Variants in AATK observed in about 807,000 individuals in gnomAD.
AATK encodes lemur tail kinase 1.
A neutral mutation model predicts 114.3 loss-of-function variants in AATK; 91 were observed. That is an observed-to-expected ratio of 0.80 (90% CI 0.67 to 0.95). AATK has a LOEUF of 0.95. Ranked by LOEUF, AATK falls within the 40% of genes least tolerant of loss-of-function variation. The pLI is 0.00. For missense variants in AATK, 2,176 were observed against 1,965.2 expected, an observed-to-expected ratio of 1.11 and a Z score of -2.03; for synonymous variants, 1,075 against 916.5, an observed-to-expected ratio of 1.17 and a Z score of -3.12.
At chr17:81,130,304 T>C (rs2060909534) in intron 3 of AATK, among the ~76,000 whole-genome samples, 1 of 152,140 alleles carries the variant, frequency 6.6e-6, no homozygotes, top group Non-Finnish European at 1.5e-5. Flanking sequence ...GCTTGAGATC[T>C]GATAGCTCTG....
intron 1 of AATK, among the ~76,000 whole-genome samples, chr17:81,155,982 T>C (rs1007799285): frequency 6.6e-6 from 1 of 152,218 alleles, no homozygotes; most frequent in Non-Finnish European, 1.5e-5. Flanking sequence ...CATTTATTTA[T>C]GAGCACAGTT....
chr17:81,140,761 C>A (rs1222019306), intron 1 of AATK, among the ~76,000 whole-genome samples: 37 of 62,528 alleles, frequency 5.9e-4, no homozygotes, highest in African/African-American at 7.8e-4. Flanking sequence ...GGGCCGTGAG[C>A]CGTGGGGCTG....
intron 1 of AATK, among the ~76,000 whole-genome samples, chr17:81,156,929 C>CA (rs1555601800): frequency 4.6e-5 from 7 of 151,946 alleles, no homozygotes; most frequent in Non-Finnish European, 7.4e-5. Flanking sequence ...GGGCCCTGGG[C>CA]GGGGTACGGC....
In AATK at chr17:81,165,575, C is replaced by T. The variant is rs984475678; in HGVS notation, c.55+363G>A. 1.3e-5 allele frequency: 16 copies of T among 1,263,262 alleles called. No individual in the cohort carries two copies. The African/African-American group carries it at 1.8e-4, about 14-fold the overall frequency. The allele number at this position is 1,263,262 out of a possible 1,614,324, so 78.3% of individuals were successfully genotyped here. On this transcript the variant is annotated intron_variant, in intron 1 of 13. Coordinates refer to ENST00000326724, the MANE Select transcript of AATK (RefSeq NM_001080395.3). ...CGGACCCAGGAGAGGCCATGGAAAG[C>T]CTGAACCCCAGCTGGCTGACACCCC... is the stretch of plus-strand genomic sequence containing the variant.
At position 81,122,080 on chromosome 17, in the gene AATK, A is replaced by C; in HGVS notation, c.1856T>G (p.Leu619Arg). 6.3e-7 allele frequency: 1 copy of C among 1,584,546 alleles called. No individual in the cohort carries two copies. The highest frequency in any genetic ancestry group is 8.5e-7 in the Non-Finnish European group (1 of 1,172,482). ...SPSPSAGPLS[L>R]AEGGAEDADW... is the part of the protein sequence containing the mutation. ...TGCATCCTCCGCTCCTCCCTCCGCC[A>C]GACTCAGGGGCCCCGCCGAGGGCGA... Residue 619 changes from leucine to arginine, a missense_variant, in exon 11 of 14, where the codon CTG becomes CGG. Physicochemically the swap from Leu to Arg is moderately radical, Grantham distance 102. This residue lies in a region of AATK where 1,701 missense variants were observed against 1,394.7 expected (regional missense o/e 1.22). Transcript: ENST00000326724.
chr17:81,120,965 G>T lies in AATK; in HGVS notation c.2971C>A (p.Pro991Thr). 6.2e-7 allele frequency: 1 copy of T among 1,609,936 alleles called. No homozygotes were observed. Among genetic ancestry groups the T allele is most frequent in the Non-Finnish European group, 8.5e-7 (1 of 1,178,794 alleles). Residue 991 changes from proline to threonine, a missense_variant, in exon 11 of 14, where the codon CCC (proline) becomes ACC (threonine). Pro to Thr is a conservative substitution (Grantham distance 38). Coordinates refer to ENST00000326724, the MANE Select transcript of AATK (RefSeq NM_001080395.3). The part of the protein sequence containing the change: ...TSLSGLNEKN[P>T]YRDSAYFSDL... ...GAGAAGTAGGCAGAGTCTCGGTAGG[G>T]ATTCTTCTCGTTGAGGCCACTGAGG...
chr17:81,143,720 G>T (rs1376315594), intron 1 of AATK, among the ~76,000 whole-genome samples: 1 of 152,216 alleles, frequency 6.6e-6, no homozygotes, highest in Non-Finnish European at 1.5e-5. Flanking sequence ...GGGCCCCACG[G>T]TGGGTGGCCA....
At chr17:81,134,209 G>A (rs1197381860) in intron 2 of AATK, among the ~76,000 whole-genome samples, 159 bp downstream of exon 2, 7 of 152,214 alleles carry the variant, frequency 4.6e-5, no homozygotes, top group Non-Finnish European at 5.9e-5. Flanking sequence ...GGAGTCCCTG[G>A]GCCAGGGTCC....
At position 81,120,479 on chromosome 17, in the gene AATK, C is replaced by G; in HGVS notation, c.3457G>C (p.Ala1153Pro). 2.6e-6 allele frequency: 4 copies of G among 1,523,388 alleles called. No individual in the cohort carries two copies. The highest frequency in any genetic ancestry group is 3.5e-6 in the Non-Finnish European group (4 of 1,132,350). 94.4% of individuals were successfully genotyped at this position (1,523,388 alleles called of 1,614,324 possible). Residue 1153 changes from alanine (A) to proline (P), a missense_variant, in exon 11 of 14, where the codon GCC becomes CCC. Coordinates refer to ENST00000326724, the MANE Select transcript of AATK (RefSeq NM_001080395.3). ...TCCTCCTCCGGCCGGCCCTCCAAGG[C>G]CGCAGGGAGGCCGGGCAGAGCCAGG... is the stretch of plus-strand genomic sequence containing the variant. Reference protein sequence around the residue: ...LRLALPGLPAALEGRPEEEEE... With the variant: ...LRLALPGLPAPLEGRPEEEEE...
intron 2 of AATK, among the ~76,000 whole-genome samples, chr17:81,132,232 G>A (rs529165530): frequency 5.3e-4 from 81 of 152,332 alleles, no homozygotes; most frequent in African/African-American, 1.8e-3. Context: ...TGCCCTGGTG[G>A]GGAAGCTGAG....
chr17:81,129,501 C>T (rs1029006400), intron 3 of AATK, among the ~76,000 whole-genome samples: 1 of 152,194 alleles, frequency 6.6e-6, no homozygotes, highest in African/African-American at 2.4e-5. Context: ...GGCCATTGCC[C>T]AGGTTTCTCC....
intron 1 of AATK, among the ~76,000 whole-genome samples, chr17:81,135,567 G>T (rs1454032748): frequency 6.6e-6 from 1 of 152,118 alleles, no homozygotes; most frequent in South Asian, 2.1e-4. Context: ...ACCCCCAAAG[G>T]TGTTGTCATC....
intron 8 of AATK, 22 bp downstream of exon 8, chr17:81,124,908 C>G: frequency 6.5e-5 from 94 of 1,457,140 alleles, no homozygotes; most frequent in Non-Finnish European, 8.1e-5. Context: ...ATGCCCAGCC[C>G]AGCCCACCCC....
At chr17:81,161,619 C>T (rs989145907) in intron 1 of AATK, among the ~76,000 whole-genome samples, 2 of 152,162 alleles carry the variant, frequency 1.3e-5, no homozygotes, top group Non-Finnish European at 2.9e-5. Flanking sequence ...GCTGCCGTGA[C>T]GGCCCCCGGG....
chr17:81,121,534 G>GAGGGGACGGAAGGA lies in AATK; in HGVS notation c.2388_2401dup (p.Ser801PhefsTer49). 1 of 1,538,530 alleles carries GAGGGGACGGAAGGA rather than the reference G, an allele frequency of 6.5e-7. No homozygotes were observed. Among genetic ancestry groups the GAGGGGACGGAAGGA allele is most frequent in the Non-Finnish European group, 8.8e-7 (1 of 1,140,890 alleles). On this transcript the variant is annotated frameshift_variant, in exon 11 of 14. Transcript: ENST00000326724. LOFTEE classifies it high-confidence loss of function. Reference sequence around the variant, plus strand: ...AAGTGGGGCTCCCTCCTGGGATGGGGAGGGGACGGAAGGAAGGGGCAGGCG... The same window carrying GAGGGGACGGAAGGA: ...AAGTGGGGCTCCCTCCTGGGATGGGGAGGGGACGGAAGGAAGGGGACGGAAGGAAGGGGCAGGCG...
intron 1 of AATK, among the ~76,000 whole-genome samples, chr17:81,159,491 G>T (rs965144880): frequency 1.3e-5 from 2 of 152,148 alleles, no homozygotes; most frequent in South Asian, 4.1e-4. Flanking sequence ...TGGTCACTAG[G>T]AAGCCACACG....
chr17:81,129,487 G>A (rs1232234992), intron 3 of AATK, among the ~76,000 whole-genome samples: 1 of 152,156 alleles, frequency 6.6e-6, no homozygotes, highest in Non-Finnish European at 1.5e-5. Flanking sequence ...TCCCCAGCGG[G>A]TGGGGCCATT....
At position 81,119,213 on chromosome 17, in the gene AATK, G is replaced by A. The variant is rs543582863; in HGVS notation, c.4084+167C>T. Among the ~76,000 whole-genome samples the A allele has an allele frequency of 8.7e-3, 940 of 108,188 alleles. 1 individual carries two copies. Among genetic ancestry groups the A allele is most frequent in the Middle Eastern group, 0.033 (6 of 180 alleles). The allele number at this position is 108,188 out of a possible 152,430, so 71.0% of individuals were successfully genotyped here. ...GTGAGGGCCAGGCGAGGGCCAGGCG[G>A]GGTCCAGGCTAGGTCTGGGGCCGGG... On this transcript the variant is annotated intron_variant, in intron 13 of 13. Transcript: ENST00000326724.
chr17:81,152,195 T>C (rs1284097041), intron 1 of AATK, among the ~76,000 whole-genome samples: 1 of 152,102 alleles, frequency 6.6e-6, no homozygotes, highest in East Asian at 1.9e-4. Flanking sequence ...GAAGAATCGT[T>C]TGAACCCAGG....
Sources: allele counts gnomAD v4.1 joint callset (sites outside exome capture counted in the v4.1 genomes callset), GRCh38; gene constraint gnomAD v4.1.1; regional missense constraint gnomAD v4.1.1; transcripts MANE v1.5; gene names NCBI Gene and HGNC (gene_info 2026-07-23, HGNC 2026-07-21).